The following GRID2IP variants were observed in gnomAD, a reference collection of about 807,000 sequenced individuals.
GRID2IP encodes delphilin.
A neutral mutation model predicts 114.3 loss-of-function variants in GRID2IP; 78 were observed. The observed-to-expected ratio is 0.68, with a 90% CI of 0.57 to 0.82. The LOEUF (loss-of-function observed/expected upper bound fraction) is 0.82. GRID2IP is among the 40% of genes least tolerant of loss of function. The pLI is 0.00. For missense variants in GRID2IP, 1,727 were observed against 1,678.5 expected (o/e 1.03, Z -0.51); for synonymous variants, 809 against 724.0 (o/e 1.12, Z -1.89).
At position 6,532,105 on chromosome 7, in the gene GRID2IP, G is replaced by T. The variant is rs909987845; in HGVS notation, c.585-5336C>A. On this transcript the variant is annotated intron_variant, in intron 2 of 21. Transcript: ENST00000457091. The surrounding 1 kb of genome is among the most constrained non-coding windows in gnomAD (Gnocchi z 4.4). Reference sequence around the variant, plus strand: ...CTGGACTCATCCCTGGAGGCTCTGGGCCTGCCATCCCCTGAACAGCAGCAG... The same window carrying T: ...CTGGACTCATCCCTGGAGGCTCTGGTCCTGCCATCCCCTGAACAGCAGCAG... Among the ~76,000 whole-genome samples, 4 of 152,092 alleles carry T rather than the reference G, an allele frequency of 2.6e-5. No homozygotes were observed. Among genetic ancestry groups the T allele is most frequent in the African/African-American group, 9.7e-5 (4 of 41,412 alleles).
chr7:6,503,413 G>A (rs1358569618), intron 16 of GRID2IP, 78 bp downstream of exon 16: 1 of 1,349,640 alleles, frequency 7.4e-7, no homozygotes, highest in Non-Finnish European at 9.7e-7. Context: ...AGGCGCGCGG[G>A]ACCCCAGCAG....
chr7:6,521,866 G>C lies in GRID2IP; in HGVS notation c.989+22C>G. On this transcript the variant is annotated intron_variant, in intron 5 of 21. Coordinates refer to ENST00000457091, the MANE Select transcript of GRID2IP (RefSeq NM_001145118.2). The surrounding 1 kb of genome is among the most constrained non-coding windows in gnomAD (Gnocchi z 4.1). ...TGGGGGCAGCTCCTCACCAACCCCT[G>C]GTGTCCCCAATAGCCTCTGACCTCA... 1.3e-6 allele frequency: 2 copies of C among 1,539,656 alleles called. No homozygotes were observed. Among genetic ancestry groups the C allele is most frequent in the African/African-American group, 1.4e-5 (1 of 72,892 alleles).
At chr7:6,547,913 G>T (rs1319277795) in intron 1 of GRID2IP, among the ~76,000 whole-genome samples, 1 of 152,152 alleles carries the variant, frequency 6.6e-6, no homozygotes, top group Non-Finnish European at 1.5e-5. Flanking sequence ...CTCCGACAAA[G>T]TTTCCAGGCT....
rs1221706061 is a variant in GRID2IP, at chr7:6,536,801, C to T, written c.584+2917G>A. ...TTTCCTTTTTTCCCCTCTTCTGATT[C>T]TCCTAGCAAGGGGCTCACCCCTTAC... On this transcript the variant is annotated intron_variant, in intron 2 of 21. Transcript: ENST00000457091. The surrounding 1 kb of genome is among the most constrained non-coding windows in gnomAD (Gnocchi z 5.3). 1 of 702,430 alleles carries T rather than the reference C, an allele frequency of 1.4e-6. No individual in the cohort carries two copies. The highest frequency in any genetic ancestry group is 2.6e-6 in the Non-Finnish European group (1 of 384,688). 43.5% of individuals were successfully genotyped at this position (702,430 alleles called of 1,614,324 possible). A position where few individuals can be genotyped will look rare whatever the true frequency, so the allele number is the denominator to read the frequency against.
rs1786733356 is a variant in GRID2IP, at chr7:6,510,270, G to A, written c.1771+13C>T. On this transcript the variant is annotated intron_variant, in intron 11 of 21. Coordinates refer to ENST00000457091, the MANE Select transcript of GRID2IP (RefSeq NM_001145118.2). ...AACACCCAGACAGTAGATGACAGAG[G>A]CTGGAGCCCTACCTGTGGTGACTGC... is the stretch of plus-strand genomic sequence containing the variant. 1.3e-6 allele frequency: 2 copies of A among 1,507,172 alleles called. No individual in the cohort carries two copies. Among genetic ancestry groups the A allele is most frequent in the Non-Finnish European group, 1.8e-6 (2 of 1,113,270 alleles). 93.4% of individuals were successfully genotyped at this position (1,507,172 alleles called of 1,614,324 possible).
At position 6,526,600 on chromosome 7, in the gene GRID2IP, G is replaced by T. The variant is rs1225401068; in HGVS notation, c.754C>A (p.Pro252Thr). The change falls in exon 3 of 22, where the codon CCG (proline) becomes ACG (threonine). Residue 252 changes from proline to threonine, a missense_variant. Pro to Thr is a conservative substitution (Grantham distance 38). Transcript: ENST00000457091. This position sits in a 1 kb window ranked among gnomAD's most constrained non-coding sequence, Gnocchi z 7.6. ...GGGGGCGGCTCATCGGGGCGGCGCG[G>T]CGGGGCGCTGGCGCGCGTGGACACC... ...LLVSTRASAP[P>T]RRPDEPPPRR... 1.7e-6 allele frequency: 2 copies of T among 1,192,074 alleles called. No individual in the cohort carries two copies. The highest frequency in any genetic ancestry group is 3.2e-5 in the African/African-American group (2 of 62,562). 73.8% of individuals were successfully genotyped at this position (1,192,074 alleles called of 1,614,324 possible).
At chr7:6,502,241 T>C in intron 18 of GRID2IP, 123 bp from the exon 19 acceptor site, 1 of 880,036 alleles carries the variant, frequency 1.1e-6, no homozygotes, top group Admixed American at 2.6e-5. Context: ...ACTTTTTTTT[T>C]AATAGCAGGG....
intron 18 of GRID2IP, among the ~76,000 whole-genome samples, chr7:6,502,319 G>A (rs560663830): frequency 1.3e-5 from 2 of 152,100 alleles, no homozygotes; most frequent in Admixed American, 1.3e-4. Context: ...CAAACTCCTA[G>A]GCTCAAGCGA....
At chr7:6,548,620 G>C (rs892145901) in intron 1 of GRID2IP, among the ~76,000 whole-genome samples, 11 of 151,992 alleles carry the variant, frequency 7.2e-5, no homozygotes, top group Non-Finnish European at 1.5e-4. Flanking sequence ...GATGGATCAC[G>C]AGGTCAGGAG....
chr7:6,497,824 C>A lies in GRID2IP; in HGVS notation c.3586G>T (p.Ala1196Ser), dbSNP rs1562509029. 1 of 1,550,364 alleles carries A rather than the reference C, an allele frequency of 6.5e-7. No homozygotes were observed. The highest frequency in any genetic ancestry group is 8.7e-7 in the Non-Finnish European group (1 of 1,146,844). The change falls in exon 22 of 22, where the codon GCC (alanine) becomes TCC (serine). Residue 1196 changes from alanine to serine, a missense_variant. Physicochemically the swap from Ala to Ser is moderately conservative, Grantham distance 99. Coordinates refer to ENST00000457091, the MANE Select transcript of GRID2IP (RefSeq NM_001145118.2). ...CCGGAGCTGCGCAGGCCCTCCCCGGCCTGCAGGTCACTCAGCGCTCGCTGG... is the reference window on the plus strand; with the variant it reads ...CCGGAGCTGCGCAGGCCCTCCCCGGACTGCAGGTCACTCAGCGCTCGCTGG... Reference protein sequence around the residue: ...KFERALSDLQAGEGLRSSGMV... With the variant: ...KFERALSDLQSGEGLRSSGMV...
Position 6,528,951 on chromosome 7 carries a change from C to T in GRID2IP, c.585-2182G>A, listed in dbSNP as rs1779566451. 6.6e-6 allele frequency among the ~76,000 whole-genome samples: 1 copy of T among 152,160 alleles called. No homozygotes were observed. The highest frequency in any genetic ancestry group is 2.1e-4 in the South Asian group (1 of 4,826). On this transcript the variant is annotated intron_variant, in intron 2 of 21. Coordinates refer to ENST00000457091, the MANE Select transcript of GRID2IP (RefSeq NM_001145118.2). This position sits in a 1 kb window ranked among gnomAD's most constrained non-coding sequence, Gnocchi z 6.0. ...TCCAGAGCCTGACCGCTCCATCTGCCAGGCCTGCACATTCCCTAGCGCCTC... is the reference window on the plus strand; with the variant it reads ...TCCAGAGCCTGACCGCTCCATCTGCTAGGCCTGCACATTCCCTAGCGCCTC...
rs141533414 is a variant in GRID2IP at position 6,551,268 on chromosome 7, C to T, written c.169G>A (p.Val57Met). The T allele has an allele frequency of 8.1e-4, 1,248 of 1,537,974 alleles. 4 individuals carry two copies. The African/African-American group carries it at 0.015, about 19-fold the overall frequency. Reference protein sequence around the residue: ...DQILEVEGLAVGGLSRERLVR... With the variant: ...DQILEVEGLAMGGLSRERLVR... Reference sequence around the variant, plus strand: ...AGGCGCTCGCGGCTCAGACCGCCCACCGCCAGCCCCTCCACCTCCAGGATC... The same window carrying T: ...AGGCGCTCGCGGCTCAGACCGCCCATCGCCAGCCCCTCCACCTCCAGGATC... Residue 57 changes from valine to methionine, a missense_variant, in exon 1 of 22, where the codon GTG (valine) becomes ATG (methionine). Physicochemically the swap from Val to Met is conservative, Grantham distance 21 (BLOSUM62 1). Coordinates refer to ENST00000457091, the MANE Select transcript of GRID2IP (RefSeq NM_001145118.2).
rs575052293 is a variant in GRID2IP, at chr7:6,510,331, A to G, written c.1723T>C (p.Ser575Pro). Residue 575 changes from serine to proline, a missense_variant, in exon 11 of 22, where the codon TCC becomes CCC. Physicochemically the swap from Ser to Pro is moderately conservative, Grantham distance 74 (BLOSUM62 -1). Coordinates refer to ENST00000457091, the MANE Select transcript of GRID2IP (RefSeq NM_001145118.2). ...CCTGGAGGGGAAGCCCGGGATTTGG[A>G]CACGGTCCCCATCTTCCCTTTGAAG... is the stretch of plus-strand genomic sequence containing the variant. ...SSFKGKMGTVSKSRASPPGPS... is the reference protein window; with the variant it reads ...SSFKGKMGTVPKSRASPPGPS... 1.7e-4 allele frequency: 257 copies of G among 1,547,522 alleles called. 6 individuals are homozygous for G. The South Asian group carries it at 3.0e-3, about 18-fold the overall frequency.
At chr7:6,515,953 C>T (rs1779288521) in intron 7 of GRID2IP, among the ~76,000 whole-genome samples, 1 of 149,970 alleles carries the variant, frequency 6.7e-6, no homozygotes, top group South Asian at 2.1e-4. Context: ...AAAAATCAGC[C>T]AGGCGTGGTG....
Position 6,539,754 on chromosome 7 carries a change from G to C in GRID2IP, c.548C>G (p.Pro183Arg). The change falls in exon 2 of 22, where the codon CCC becomes CGC. Residue 183 changes from proline to arginine, a missense_variant. By Grantham distance (103) the Pro-to-Arg change is moderately radical. Transcript: ENST00000457091. ...DLVWTLTLAL[P>R]REACGPLLDN... ...CAGGAGTGGCCCGCAGGCCTCTCGG[G>C]GCAGCGCCAGGGTGAGAGTCCACAC... 6.5e-7 allele frequency: 1 copy of C among 1,549,970 alleles called. No homozygotes were observed. Among genetic ancestry groups the C allele is most frequent in the Non-Finnish European group, 8.7e-7 (1 of 1,146,896 alleles).
chr7:6,515,892 T>G (rs1439036316), intron 7 of GRID2IP, among the ~76,000 whole-genome samples: 2 of 150,248 alleles, frequency 1.3e-5, no homozygotes, highest in East Asian at 2.0e-4. Flanking sequence ...AGCTCAGGAG[T>G]TCGAGACCAG....
intron 7 of GRID2IP, among the ~76,000 whole-genome samples, chr7:6,517,312 C>T (rs1037830772): frequency 1.3e-5 from 2 of 151,972 alleles, no homozygotes; most frequent in Non-Finnish European, 2.9e-5. Context: ...CCATCTCAGC[C>T]TCCCAAGGTG....
intron 20 of GRID2IP, among the ~76,000 whole-genome samples, chr7:6,498,547 C>T (rs2115348727): frequency 6.6e-6 from 1 of 150,986 alleles, no homozygotes; most frequent in East Asian, 1.9e-4. Flanking sequence ...TTACAGTAGG[C>T]CCCTCTGTCA....
intron 2 of GRID2IP, among the ~76,000 whole-genome samples, chr7:6,531,573 G>A (rs1779626474): frequency 6.6e-6 from 1 of 152,240 alleles, no homozygotes; most frequent in Non-Finnish European, 1.5e-5. Context: ...CCGGCTAGAA[G>A]AAGCCCTGTT....
Sources: gnomAD v4.1 joint callset for allele counts (sites outside exome capture counted in the v4.1 genomes callset) on GRCh38, gnomAD v4.1.1 for gene constraint, Gnocchi (gnomAD v3.1) non-coding constraint, MANE v1.5 for transcripts, NCBI Gene and HGNC (gene_info 2026-07-23, HGNC 2026-07-21) for gene names.